Variants in CD96 observed in about 807,000 individuals in gnomAD.
CD96 encodes the protein CD96 molecule.
Under a neutral mutation model 71.3 loss-of-function variants are expected in CD96, and 70 were observed. The ratio of observed to expected loss-of-function variants is 0.98; its 90% CI spans 0.81 to 1.20. The LOEUF (loss-of-function observed/expected upper bound fraction) is 1.20, where lower values mean the gene tolerates loss of function less well. Among genes scored for constraint, CD96 ranks in the 50% most tolerant of loss-of-function variants. CD96 has a pLI of 0.00. For synonymous variants in CD96, 248 were observed against 233.0 expected (o/e 1.06, Z -0.59); for missense variants, 742 against 677.5 (o/e 1.10, Z -1.06).
At chr3:111,619,032 C>T (rs1160656082) in intron 8 of CD96, among the ~76,000 whole-genome samples, 1 of 152,178 alleles carries the variant, frequency 6.6e-6, no homozygotes, top group Non-Finnish European at 1.5e-5. Flanking sequence ...AAAAGTTAAT[C>T]AACCATAGGT....
At chr3:111,627,111 C>T (rs1466873000) in intron 10 of CD96, among the ~76,000 whole-genome samples, 1 of 152,192 alleles carries the variant, frequency 6.6e-6, no homozygotes, top group Non-Finnish European at 1.5e-5. Flanking sequence ...CAATGAAATA[C>T]TATGAAGCCA....
At chr3:111,640,670 C>T (rs181394866) in intron 12 of CD96, among the ~76,000 whole-genome samples, 4 of 152,288 alleles carry the variant, frequency 2.6e-5, no homozygotes, top group Non-Finnish European at 5.9e-5. Context: ...AAGATCTTTG[C>T]CGAGGCACAT....
chr3:111,612,906 T>A, intron 8 of CD96: 1 of 653,260 alleles, frequency 1.5e-6, no homozygotes, highest in Non-Finnish European at 1.9e-6. Flanking sequence ...AAACCCCTCC[T>A]GCATCTGTAG....
intron 4 of CD96, among the ~76,000 whole-genome samples, chr3:111,579,864 G>A (rs1936389309): frequency 1.3e-5 from 2 of 152,158 alleles, no homozygotes; most frequent in South Asian, 2.1e-4. Context: ...GTTTCAATAT[G>A]AATTTTGGAG....
At chr3:111,584,304 A>C (rs1936603946) in intron 4 of CD96, among the ~76,000 whole-genome samples, 1 of 152,212 alleles carries the variant, frequency 6.6e-6, no homozygotes, top group Non-Finnish European at 1.5e-5. Flanking sequence ...CATTTTTGTC[A>C]AAGTGATTCA....
At chr3:111,574,104 T>A (rs1418865569) in intron 3 of CD96, among the ~76,000 whole-genome samples, 3 of 152,156 alleles carry the variant, frequency 2.0e-5, no homozygotes, top group Non-Finnish European at 2.9e-5. Flanking sequence ...ATCAATACAG[T>A]TAACAGCAGT....
In CD96 at chr3:111,561,195, T is replaced by G. The variant is rs1402226771; in HGVS notation, c.419-6328T>G. 2.8e-3 allele frequency among the ~76,000 whole-genome samples: 405 copies of G among 144,332 alleles called. 1 individual carries two copies. The highest frequency in any genetic ancestry group is 9.9e-3 in the African/African-American group (384 of 38,838). The allele number at this position is 144,332 out of a possible 152,430, so 94.7% of individuals were successfully genotyped here. ...CAGAGTAATTTGATCGTCTGAAGCC[T>G]TCTTCTCTCAGCTCGTCAAAGTCAT... On this transcript the variant is annotated intron_variant, in intron 2 of 13. Coordinates refer to ENST00000352690, the MANE Select transcript of CD96 (RefSeq NM_005816.5).
In CD96 at chr3:111,621,094, T is replaced by G. The variant is rs77546371; in HGVS notation, c.1181-2660T>G. ...CCCAGTGTGGGCAACCAGGCTGGCA[T>G]AGGAAAGTGTCTGTTGCTTGCAGGT... On this transcript the variant is annotated intron_variant, in intron 8 of 13. Coordinates refer to ENST00000352690, the MANE Select transcript of CD96 (RefSeq NM_005816.5). Among the ~76,000 whole-genome samples the G allele has an allele frequency of 8.7e-4, 133 of 152,332 alleles. 2 individuals are homozygous for G. Among genetic ancestry groups the G allele is most frequent in the African/African-American group, 3.1e-3 (129 of 41,586 alleles).
chr3:111,652,539 T>C (rs1940128100), downstream of CD96, among the ~76,000 whole-genome samples: 2 of 152,154 alleles, frequency 1.3e-5, no homozygotes, highest in Non-Finnish European at 2.9e-5. Flanking sequence ...TCATGTAATT[T>C]ATCAATCTAT....
chr3:111,573,735 CTATAAA>C (rs1936095047), intron 3 of CD96, among the ~76,000 whole-genome samples: 1 of 152,126 alleles, frequency 6.6e-6, no homozygotes, highest in African/African-American at 2.4e-5. Flanking sequence ...AAATTTTTAT[CTATAAA>C]TATATCTTCA....
At position 111,558,417 on chromosome 3, in the gene CD96, G is replaced by A. The variant is rs71616124; in HGVS notation, c.419-9106G>A. On this transcript the variant is annotated intron_variant, in intron 2 of 13. Transcript: ENST00000352690. ...ATTTATTGAGAGTTTTTAGCATGAA[G>A]GGTTGTTGAATTTTGTCAAAGGCTT... Among the ~76,000 whole-genome samples the A allele has an allele frequency of 5.6e-5, 7 of 124,050 alleles. No homozygotes were observed. The East Asian group carries it at 1.1e-3, about 19-fold the overall frequency. 81.4% of individuals were successfully genotyped at this position (124,050 alleles called of 152,430 possible).
intron 2 of CD96, among the ~76,000 whole-genome samples, chr3:111,553,713 A>G (rs1007993866): frequency 6.6e-6 from 1 of 151,956 alleles, no homozygotes; most frequent in Non-Finnish European, 1.5e-5. Context: ...TTTAATCACC[A>G]GTTTTAAAAA....
intron 3 of CD96, among the ~76,000 whole-genome samples, chr3:111,578,336 G>C (rs1237822248): frequency 6.6e-6 from 1 of 152,160 alleles, no homozygotes; most frequent in Non-Finnish European, 1.5e-5. Context: ...AATATACTCT[G>C]ATCTCCAAAA....
chr3:111,595,954 G>C (rs1317597336), intron 5 of CD96, among the ~76,000 whole-genome samples: 1 of 152,008 alleles, frequency 6.6e-6, no homozygotes, highest in Non-Finnish European at 1.5e-5. Context: ...TTGAGGTCAG[G>C]AGATCGTGGC....
At position 111,650,797 on chromosome 3, in the gene CD96, AC is replaced by A. The variant is rs1940042221; in HGVS notation, c.*993del. On this transcript the variant is annotated 3_prime_UTR_variant, in exon 14 of 14. Coordinates refer to ENST00000352690, the MANE Select transcript of CD96 (RefSeq NM_005816.5). ...AGAATGTATAGGTGTCAGAGAAGAA[AC>A]CTAGTCAGCCAGACGTGCTCTGTAT... The A allele has an allele frequency of 2.6e-5, 4 of 152,234 alleles. No homozygotes were observed. The South Asian group carries it at 8.3e-4, about 32-fold the overall frequency. 9.4% of individuals were successfully genotyped at this position (152,234 alleles called of 1,614,324 possible). A position where few individuals can be genotyped will look rare whatever the true frequency, so the allele number is the denominator to read the frequency against.
At chr3:111,618,273 C>G (rs1938344313) in intron 8 of CD96, among the ~76,000 whole-genome samples, 1 of 152,222 alleles carries the variant, frequency 6.6e-6, no homozygotes, top group Admixed American at 6.5e-5. Flanking sequence ...GCAGAAGGTG[C>G]CACTGGCCAC....
At chr3:111,593,891 C>T in intron 5 of CD96, 1 of 1,613,746 alleles carries the variant, frequency 6.2e-7, no homozygotes, top group African/African-American at 1.3e-5. Flanking sequence ...TCTGTGCATG[C>T]TTTTCAGATG....
chr3:111,642,143 AG>A lies in CD96; in HGVS notation c.1477+3976del, dbSNP rs552608517. The stretch of plus-strand genomic sequence containing the variant: ...TCCATCAGTAGAAAGGAAATAGCCA[AG>A]ATCAGAGCACAATACAATTGAAACA... On this transcript the variant is annotated intron_variant, in intron 12 of 13. Transcript: ENST00000352690. 1.2e-4 allele frequency among the ~76,000 whole-genome samples: 19 copies of A among 152,376 alleles called. No individual in the cohort carries two copies. The South Asian group carries it at 3.9e-3, about 32-fold the overall frequency.
chr3:111,650,496 CTG>C lies in CD96; in HGVS notation c.*691_*692del, dbSNP rs530901435. 3.3e-4 allele frequency: 51 copies of C among 152,982 alleles called. No individual in the cohort carries two copies. Among genetic ancestry groups the C allele is most frequent in the African/African-American group, 1.2e-3 (49 of 41,578 alleles). The allele number at this position is 152,982 out of a possible 1,614,324, so 9.5% of individuals were successfully genotyped here. ...GTAGCCTAGAAGATACAAAACTCCA[CTG>C]GCCTCTAAAATTATATTAGCCAAGA... On this transcript the variant is annotated 3_prime_UTR_variant, in exon 14 of 14. Coordinates refer to ENST00000352690, the MANE Select transcript of CD96 (RefSeq NM_005816.5).
Sources: allele counts gnomAD v4.1 joint callset (sites outside exome capture counted in the v4.1 genomes callset), GRCh38; gene constraint gnomAD v4.1.1; transcripts MANE v1.5; gene names NCBI Gene and HGNC (gene_info 2026-07-23, HGNC 2026-07-21).